The following NT5E variants were observed in gnomAD, a reference collection of about 807,000 sequenced individuals.
NT5E encodes the protein 5'-nucleotidase ecto.
A neutral mutation model predicts 55.1 loss-of-function variants in NT5E; 53 were observed. The observed-to-expected ratio is 0.96, with a 90% CI of 0.77 to 1.21. The LOEUF is 1.21. NT5E is among the 50% of genes most tolerant of loss of function. The probability of loss-of-function intolerance (pLI) is 0.00; values close to 1 mark genes in which losing one functional copy is unlikely to be tolerated. For missense variants in NT5E, 683 were observed against 724.3 expected, an observed-to-expected ratio of 0.94 and a Z score of 0.65; for synonymous variants, 270 against 278.4, an observed-to-expected ratio of 0.97 and a Z score of 0.30.
In NT5E at chr6:85,452,032, T is replaced by A. The variant is rs770741314; in HGVS notation, c.339+1554T>A. ...GTTGATGAGGTGGGGCTCACACACA[T>A]CTGGATTTGAAGAAGAATCGTGGGT... On this transcript the variant is annotated intron_variant, in intron 1 of 8. Coordinates refer to ENST00000257770, the MANE Select transcript of NT5E (RefSeq NM_002526.4). 5.9e-5 allele frequency among the ~76,000 whole-genome samples: 9 copies of A among 152,196 alleles called. No homozygotes were observed. In the East Asian group the frequency reaches 1.7e-3, roughly 29 times the overall value.
intron 6 of NT5E, among the ~76,000 whole-genome samples, chr6:85,489,941 G>A (rs1025016971): frequency 1.3e-5 from 2 of 152,162 alleles, no homozygotes; most frequent in Non-Finnish European, 2.9e-5. Context: ...CTTGGCATCT[G>A]AAAAGAGACA....
chr6:85,475,884 T>C (rs1252327053), intron 3 of NT5E, among the ~76,000 whole-genome samples: 1 of 152,120 alleles, frequency 6.6e-6, no homozygotes, highest in African/African-American at 2.4e-5. Flanking sequence ...AAATCATCCA[T>C]ACATAGAGCC....
intron 1 of NT5E, among the ~76,000 whole-genome samples, chr6:85,465,420 T>G (rs937104509): frequency 6.6e-6 from 1 of 152,150 alleles, no homozygotes; most frequent in South Asian, 2.1e-4. Context: ...GAGACTTATT[T>G]CACCATAGGA....
chr6:85,468,365 A>G (rs1769237327), intron 2 of NT5E, among the ~76,000 whole-genome samples: 3 of 151,806 alleles, frequency 2.0e-5, no homozygotes, highest in Non-Finnish European at 2.9e-5. Context: ...GAACCCCCCA[A>G]CCCCACCCTG....
rs1364701856 is a variant in NT5E, at chr6:85,485,351, C to G, written c.868C>G (p.Leu290Val). 2 of 1,614,040 alleles carry G rather than the reference C, an allele frequency of 1.2e-6. No homozygotes were observed. The highest frequency in any genetic ancestry group is 2.7e-5 in the African/African-American group (2 of 74,924). ...AYAFGKYLGY[L>V]KIEFDERGNV... ...TGCTTTTGGCAAATACCTAGGCTAT[C>G]TGAAGATCGAGTTTGATGAAAGAGG... Residue 290 changes from leucine (L) to valine (V), a missense_variant, in exon 4 of 9, where the codon CTG (leucine) becomes GTG (valine). Physicochemically the swap from Leu to Val is conservative, Grantham distance 32. Coordinates refer to ENST00000257770, the MANE Select transcript of NT5E (RefSeq NM_002526.4).
At chr6:85,451,921 G>A (rs561695394) in intron 1 of NT5E, among the ~76,000 whole-genome samples, 1 of 152,284 alleles carries the variant, frequency 6.6e-6, no homozygotes, top group South Asian at 2.1e-4. Flanking sequence ...TGAGAGAAGG[G>A]GAGAAAGCTC....
At chr6:85,472,571 G>A (rs988828550) in intron 3 of NT5E, among the ~76,000 whole-genome samples, 3 of 152,180 alleles carry the variant, frequency 2.0e-5, no homozygotes, top group Non-Finnish European at 4.4e-5. Flanking sequence ...TGCTAGCTTA[G>A]CTTCAAAATA....
At chr6:85,465,375 T>G (rs562163130) in intron 1 of NT5E, among the ~76,000 whole-genome samples, 1 of 152,186 alleles carries the variant, frequency 6.6e-6, no homozygotes, top group Non-Finnish European at 1.5e-5. Flanking sequence ...AATAATTTTA[T>G]AGTTAAGCAA....
Position 85,492,577 on chromosome 6 carries a change from T to G in NT5E, c.1561+400T>G, listed in dbSNP as rs113799019. On this transcript the variant is annotated intron_variant, in intron 8 of 8. Coordinates refer to ENST00000257770, the MANE Select transcript of NT5E (RefSeq NM_002526.4). ...TTGAAGAAGTTTCTGTGTGAATCAG[T>G]CAGGTAGAAGTGGATGGGGTGAGCG... is the stretch of plus-strand genomic sequence containing the variant. 2.6e-3 allele frequency among the ~76,000 whole-genome samples: 399 copies of G among 152,240 alleles called. 2 individuals carry two copies. The highest frequency in any genetic ancestry group is 9.0e-3 in the African/African-American group (375 of 41,520).
At chr6:85,486,691 A>G (rs1463392436) in intron 4 of NT5E, among the ~76,000 whole-genome samples, 1 of 152,220 alleles carries the variant, frequency 6.6e-6, no homozygotes, top group African/African-American at 2.4e-5. Context: ...TTGTCTTTAC[A>G]CAATCCTGCA....
chr6:85,484,298 A>G (rs1769606322), intron 3 of NT5E, among the ~76,000 whole-genome samples: 5 of 152,176 alleles, frequency 3.3e-5, no homozygotes, highest in Admixed American at 2.6e-4. Flanking sequence ...CTTGGAGGTA[A>G]GATATAAGCC....
chr6:85,463,988 G>A (rs80191104), intron 1 of NT5E, among the ~76,000 whole-genome samples: 1 of 151,458 alleles, frequency 6.6e-6, no homozygotes, highest in South Asian at 2.1e-4. Flanking sequence ...TCATTCAACA[G>A]TGAATCCCTG....
chr6:85,472,239 T>A (rs1228589845), intron 3 of NT5E, among the ~76,000 whole-genome samples: 3 of 152,146 alleles, frequency 2.0e-5, no homozygotes, highest in African/African-American at 7.2e-5. Flanking sequence ...GGAACAGCCC[T>A]CCCCTTGAAG....
chr6:85,493,991 T>A lies in NT5E; in HGVS notation c.1712T>A (p.Val571Asp). The A allele has an allele frequency of 6.2e-7, 1 of 1,614,002 alleles. No homozygotes were observed. Among genetic ancestry groups the A allele is most frequent in the African/African-American group, 1.3e-5 (1 of 75,046 alleles). The stretch of plus-strand genomic sequence containing the variant: ...CTTTCACTTTGGGCAGTGATCTTTG[T>A]TTTATACCAATAGCCAAAAATTCTC... ...IFLSLWAVIF[V>D]LYQ The change falls in exon 9 of 9, where the codon GTT (valine) becomes GAT (aspartate). Residue 571 changes from valine to aspartate, a missense_variant. By Grantham distance (152) the Val-to-Asp change is radical (BLOSUM62 -3). Transcript: ENST00000257770.
chr6:85,473,502 C>G (rs1362324099), intron 3 of NT5E, among the ~76,000 whole-genome samples: 1 of 152,142 alleles, frequency 6.6e-6, no homozygotes, highest in East Asian at 1.9e-4. Context: ...GTCTCCTCCC[C>G]CTTCTTCCTT....
intron 7 of NT5E, 126 bp downstream of exon 7, chr6:85,490,783 C>A: frequency 3.0e-6 from 3 of 989,988 alleles, no homozygotes; most frequent in Non-Finnish European, 4.6e-6. Context: ...CGACCCAACA[C>A]CAATACCTTA....
intron 6 of NT5E, among the ~76,000 whole-genome samples, chr6:85,489,849 G>C (rs1334894176): frequency 4.6e-5 from 7 of 152,140 alleles, no homozygotes; most frequent in Admixed American, 3.9e-4. Context: ...AAGGTTAGTG[G>C]AACTCAAACT....
rs139787994 is a variant in NT5E at position 85,467,572 on chromosome 6, G to A, written c.562+290G>A. 1.6e-3 allele frequency among the ~76,000 whole-genome samples: 245 copies of A among 152,262 alleles called. 3 individuals carry two copies. Among genetic ancestry groups the A allele is most frequent in the African/African-American group, 5.8e-3 (240 of 41,550 alleles). On this transcript the variant is annotated intron_variant, in intron 2 of 8. Coordinates refer to ENST00000257770, the MANE Select transcript of NT5E (RefSeq NM_002526.4). ...GACAATGTATAGCCAGTGCTAAACA[G>A]TACAGTTTCATTTACTAGAGAATGA...
rs575368230 is a variant in NT5E at position 85,463,600 on chromosome 6, C to T, written c.340-3460C>T. Among the ~76,000 whole-genome samples the T allele has an allele frequency of 2.0e-5, 3 of 152,224 alleles. No individual in the cohort carries two copies. In the South Asian group the frequency reaches 6.2e-4, roughly 32 times the overall value. ...TAAGATTATCTGCTCTGTTATGATC[C>T]CCTGTATTTCTCTGCTCTATGTTCT... On this transcript the variant is annotated intron_variant, in intron 1 of 8. Coordinates refer to ENST00000257770, the MANE Select transcript of NT5E (RefSeq NM_002526.4).
Sources: gnomAD v4.1 joint callset for allele counts (sites outside exome capture counted in the v4.1 genomes callset) on GRCh38, gnomAD v4.1.1 for gene constraint, MANE v1.5 for transcripts, NCBI Gene and HGNC (gene_info 2026-07-23, HGNC 2026-07-21) for gene names.